BCKDHA: variants seen among roughly 807,000 people sequenced by gnomAD.
The protein encoded by BCKDHA is branched chain keto acid dehydrogenase E1 subunit alpha.
In BCKDHA, 43 loss-of-function variants were observed where a neutral mutation model predicts 52.2. That is an observed-to-expected ratio of 0.82 (90% CI 0.64 to 1.06). The LOEUF is 1.06. Among genes scored for constraint, BCKDHA ranks in the 50% least tolerant of loss-of-function variants. The probability of loss-of-function intolerance (pLI) is 0.00; values close to 1 mark genes in which losing one functional copy is unlikely to be tolerated. For synonymous variants in BCKDHA, 234 were observed against 247.9 expected (o/e 0.94, Z 0.53); for missense variants, 527 against 621.3 (o/e 0.85, Z 1.61).
At chr19:41,421,378 G>C (rs2039362303) in intron 5 of BCKDHA, among the ~76,000 whole-genome samples, 1 of 152,152 alleles carries the variant, frequency 6.6e-6, no homozygotes, top group Non-Finnish European at 1.5e-5. Context: ...GAGCAGCCAA[G>C]CCAGCCGGGT....
chr19:41,404,213 C>A (rs752206084), intron 1 of BCKDHA, among the ~76,000 whole-genome samples: 4 of 151,998 alleles, frequency 2.6e-5, no homozygotes, highest in African/African-American at 9.7e-5. Flanking sequence ...CTCCTGGCTT[C>A]GAGTGAACTG....
chr19:41,419,225 C>G lies in BCKDHA; in HGVS notation c.575C>G (p.Pro192Arg), dbSNP rs2039338482. Residue 192 changes from proline (P) to arginine (R), a missense_variant, in exon 5 of 9, where the codon CCT becomes CGT. Physicochemically the swap from Pro to Arg is moderately radical, Grantham distance 103 (BLOSUM62 -2). Transcript: ENST00000269980. Reference sequence around the variant, plus strand: ...GACTTGGGCAAGGGGCGCCAGATGCCTGTCCACTACGGCTGCAAGGAACGC... The same window carrying G: ...GACTTGGGCAAGGGGCGCCAGATGCGTGTCCACTACGGCTGCAAGGAACGC... The part of the protein sequence containing the change: ...ISDLGKGRQM[P>R]VHYGCKERHF... 6.2e-7 allele frequency: 1 copy of G among 1,614,140 alleles called. No homozygotes were observed. The highest frequency in any genetic ancestry group is 1.3e-5 in the African/African-American group (1 of 74,952).
intron 8 of BCKDHA, 63 bp from the exon 9 acceptor site, chr19:41,424,375 A>G: frequency 1.3e-6 from 2 of 1,597,002 alleles, no homozygotes; most frequent in Non-Finnish European, 1.7e-6. Context: ...AAGGCCCCGC[A>G]GGAGGAAGCA....
At chr19:41,398,583 G>A (rs972798741) in intron 1 of BCKDHA, among the ~76,000 whole-genome samples, 1 of 152,150 alleles carries the variant, frequency 6.6e-6, no homozygotes, top group Admixed American at 6.6e-5. Flanking sequence ...GTACAGACAG[G>A]GCACTTTGCC....
At chr19:41,415,064 C>T (rs922145532) in intron 4 of BCKDHA, among the ~76,000 whole-genome samples, 1 of 152,176 alleles carries the variant, frequency 6.6e-6, no homozygotes, top group African/African-American at 2.4e-5. Context: ...CCTGGGACAG[C>T]CCTTCAGCAG....
In BCKDHA at chr19:41,398,260, C is replaced by T. The variant is rs3810174; in HGVS notation, c.108+325C>T. On this transcript the variant is annotated intron_variant, in intron 1 of 8. Transcript: ENST00000269980. Reference sequence around the variant, plus strand: ...GGCTCCTTGGAGGAACAGGGGAAGACCGCAAGACCTTCTCCCTCAGGGTTT... The same window carrying T: ...GGCTCCTTGGAGGAACAGGGGAAGATCGCAAGACCTTCTCCCTCAGGGTTT... 0.62 allele frequency among the ~76,000 whole-genome samples: 94,144 copies of T among 151,874 alleles called. 29,646 individuals carry two copies. Among genetic ancestry groups the T allele is most frequent in the African/African-American group, 0.7 (29,097 of 41,410 alleles).
chr19:41,414,180 C>T (rs1429282884), intron 4 of BCKDHA, 23 bp downstream of exon 4: 1 of 1,599,638 alleles, frequency 6.3e-7, no homozygotes, highest in East Asian at 2.2e-5. Flanking sequence ...GTGGTTTGGC[C>T]CTGTGGTCCC....
At chr19:41,407,630 C>T (rs1489665374) in intron 1 of BCKDHA, among the ~76,000 whole-genome samples, 2 of 152,174 alleles carry the variant, frequency 1.3e-5, no homozygotes, top group Admixed American at 6.6e-5. Flanking sequence ...GTGTAATTTC[C>T]TCACGACTAC....
rs951173668 is a variant in BCKDHA at position 41,406,522 on chromosome 19, C to T, written c.109-4115C>T. On this transcript the variant is annotated intron_variant, in intron 1 of 8. Transcript: ENST00000269980. The stretch of plus-strand genomic sequence containing the variant: ...AAGCCATCCTCTCACCTCAGCCTCC[C>T]GCAACTCCAGTATCTGGACTACATG... 5.3e-5 allele frequency among the ~76,000 whole-genome samples: 8 copies of T among 152,140 alleles called. No individual in the cohort carries two copies. The East Asian group carries it at 7.7e-4, about 15-fold the overall frequency.
chr19:41,422,871 G>A, intron 7 of BCKDHA, 101 bp downstream of exon 7: 2 of 1,591,766 alleles, frequency 1.3e-6, no homozygotes, highest in Non-Finnish European at 1.7e-6. Context: ...CTTATCACCT[G>A]ATGTTGCATC....
intron 1 of BCKDHA, among the ~76,000 whole-genome samples, chr19:41,407,950 ATTTTTTT>A (rs144717663): frequency 6.4e-5 from 8 of 124,458 alleles, no homozygotes; most frequent in African/African-American, 9.2e-5. Context: ...TTCTGATGTA[ATTTTTTT>A]TTTTTTTTTT....
At chr19:41,412,027 C>T (rs948185633) in intron 3 of BCKDHA, among the ~76,000 whole-genome samples, 2 of 152,194 alleles carry the variant, frequency 1.3e-5, no homozygotes, top group Non-Finnish European at 2.9e-5. Flanking sequence ...GCTCTGGCCC[C>T]GGGGTGTCCC....
intron 3 of BCKDHA, 67 bp downstream of exon 3, chr19:41,411,076 C>A: frequency 6.5e-7 from 1 of 1,532,634 alleles, no homozygotes; most frequent in Non-Finnish European, 9.0e-7. Flanking sequence ...GTGTTTGGGC[C>A]AAAGGAATGG....
intron 1 of BCKDHA, among the ~76,000 whole-genome samples, chr19:41,404,811 A>C (rs2039175955): frequency 6.6e-6 from 1 of 151,868 alleles, no homozygotes; most frequent in Non-Finnish European, 1.5e-5. Context: ...TCAGCCTGAC[A>C]GGCTGGTCAT....
intron 1 of BCKDHA, among the ~76,000 whole-genome samples, chr19:41,405,346 C>G (rs1783403361): frequency 6.6e-6 from 1 of 151,706 alleles, no homozygotes; most frequent in Non-Finnish European, 1.5e-5. Context: ...GGCTGGAGTG[C>G]AGTGGTGTGA....
At position 41,424,346 on chromosome 19, in the gene BCKDHA, G is replaced by A. The variant is rs963271580; in HGVS notation, c.1168-92G>A. ...GTCGAGGTGGGAACACAAAGGCTTG[G>A]AGTGGTTAATTCCTTGCCAAGGCCC... On this transcript the variant is annotated intron_variant, in intron 8 of 8. Transcript: ENST00000269980. 45 of 1,402,384 alleles carry A rather than the reference G, an allele frequency of 3.2e-5. No individual in the cohort carries two copies. In the Admixed American group the frequency reaches 7.6e-4, roughly 24 times the overall value. 86.9% of individuals were successfully genotyped at this position (1,402,384 alleles called of 1,614,324 possible).
At position 41,419,309 on chromosome 19, in the gene BCKDHA, G is replaced by A. The variant is rs201333801; in HGVS notation, c.646+13G>A. On this transcript the variant is annotated intron_variant, in intron 5 of 8. Transcript: ENST00000269980. ...CAGATCCCTCAGGGTGAGGATGCATGCCCTGTACCTTGCACATGTGCAGAC... is the reference window on the plus strand; with the variant it reads ...CAGATCCCTCAGGGTGAGGATGCATACCCTGTACCTTGCACATGTGCAGAC... The A allele has an allele frequency of 3.4e-4, 545 of 1,608,924 alleles. No individual in the cohort carries two copies. The highest frequency in any genetic ancestry group is 3.8e-4 in the Non-Finnish European group (442 of 1,177,652).
intron 3 of BCKDHA, among the ~76,000 whole-genome samples, chr19:41,412,186 AACT>A (rs1401980847): frequency 6.6e-6 from 1 of 151,926 alleles, no homozygotes; most frequent in African/African-American, 2.4e-5. Context: ...TCCCACAGCA[AACT>A]AATCCTGTCT....
At chr19:41,420,962 G>T (rs900742954) in intron 5 of BCKDHA, among the ~76,000 whole-genome samples, 1 of 152,216 alleles carries the variant, frequency 6.6e-6, no homozygotes, top group Non-Finnish European at 1.5e-5. Context: ...AGATGCATGA[G>T]TTTGTGTCTC....
Sources: allele counts gnomAD v4.1 joint callset (sites outside exome capture counted in the v4.1 genomes callset), GRCh38; gene constraint gnomAD v4.1.1; transcripts MANE v1.5; gene names NCBI Gene and HGNC (gene_info 2026-07-23, HGNC 2026-07-21).